The following FOXN3 variants were observed in gnomAD, a reference collection of about 807,000 sequenced individuals.
The protein encoded by FOXN3 is forkhead box protein N3.
Under a neutral mutation model 38.4 loss-of-function variants are expected in FOXN3, and 7 were observed. The observed-to-expected ratio is 0.18, with a 90% confidence interval of 0.10 to 0.34. The LOEUF is 0.34. Among genes scored for constraint, FOXN3 ranks in the 10% least tolerant of loss-of-function variants. The pLI is 1.00. For missense variants in FOXN3, 456 were observed against 613.4 expected (o/e 0.74, Z 2.71); for synonymous variants, 230 against 242.2 (o/e 0.95, Z 0.47).
intron 3 of FOXN3, among the ~76,000 whole-genome samples, chr14:89,339,524 T>C (rs892031955): frequency 1.3e-5 from 2 of 152,184 alleles, no homozygotes; most frequent in Non-Finnish European, 2.9e-5. Flanking sequence ...TTCTCTCGGA[T>C]CCTGCTCCTT....
chr14:89,585,240 A>G (rs1169101421), intron 1 of FOXN3, among the ~76,000 whole-genome samples: 1 of 152,100 alleles, frequency 6.6e-6, no homozygotes, highest in East Asian at 1.9e-4. Flanking sequence ...TTCGAATTCT[A>G]TTGATCCTTC....
chr14:89,240,740 C>T (rs183366063), intron 4 of FOXN3, among the ~76,000 whole-genome samples: 5 of 152,318 alleles, frequency 3.3e-5, no homozygotes, highest in Admixed American at 3.3e-4. Context: ...CAAGAGAATG[C>T]CGTACTTTTC....
intron 1 of FOXN3, among the ~76,000 whole-genome samples, chr14:89,552,687 C>T (rs1178414393): frequency 5.9e-5 from 9 of 152,168 alleles, no homozygotes; most frequent in Non-Finnish European, 1.3e-4. Flanking sequence ...GCCAAAACCC[C>T]GTCTCTACTA....
At chr14:89,186,771 C>T (rs574079148) in intron 4 of FOXN3, among the ~76,000 whole-genome samples, 2 of 152,264 alleles carry the variant, frequency 1.3e-5, no homozygotes, top group African/African-American at 4.8e-5. Flanking sequence ...AATGTTGTAG[C>T]CTGAGGTTTT....
intron 5 of FOXN3, among the ~76,000 whole-genome samples, chr14:89,168,773 A>T (rs1007230625): frequency 6.6e-6 from 1 of 152,208 alleles, no homozygotes; most frequent in African/African-American, 2.4e-5. Context: ...AACACGTCCC[A>T]TGCGGGATAA....
chr14:89,332,141 G>A (rs973234651), intron 3 of FOXN3, among the ~76,000 whole-genome samples: 1 of 152,102 alleles, frequency 6.6e-6, no homozygotes, highest in Non-Finnish European at 1.5e-5. Flanking sequence ...GGTGATTTTA[G>A]GTTCTTTTCT....
intron 1 of FOXN3, among the ~76,000 whole-genome samples, chr14:89,608,645 G>A (rs1172827414): frequency 6.6e-6 from 1 of 152,148 alleles, no homozygotes; most frequent in Non-Finnish European, 1.5e-5. Context: ...AACAGCAGAG[G>A]CCACCGAGCC....
intron 3 of FOXN3, among the ~76,000 whole-genome samples, chr14:89,295,426 T>A (rs1230923634): frequency 1.3e-5 from 2 of 152,142 alleles, no homozygotes; most frequent in Non-Finnish European, 2.9e-5. Flanking sequence ...TTGGCAGACG[T>A]CACGTGAGCA....
intron 4 of FOXN3, among the ~76,000 whole-genome samples, chr14:89,206,466 A>G (rs1888388160): frequency 1.3e-5 from 2 of 152,230 alleles, no homozygotes; most frequent in Admixed American, 1.3e-4. Flanking sequence ...AATATGATGA[A>G]CAGACCCAGG....
At chr14:89,421,528 A>AG (rs56659540), upstream of FOXN3, among the ~76,000 whole-genome samples, 2 of 144,784 alleles carry the variant, frequency 1.4e-5, no homozygotes, top group Non-Finnish European at 1.5e-5. Flanking sequence ...ACCCAGGGAA[A>AG]TTTTTTTTTT....
intron 4 of FOXN3, among the ~76,000 whole-genome samples, chr14:89,262,116 AAGG>A (rs892480686): frequency 2.7e-4 from 41 of 152,010 alleles, no homozygotes; most frequent in African/African-American, 9.2e-4. Context: ...AGAAAAAAAA[AAGG>A]AGAAGAAGAA....
At chr14:89,319,426 C>T (rs758514454) in intron 3 of FOXN3, among the ~76,000 whole-genome samples, 1 of 152,178 alleles carries the variant, frequency 6.6e-6, no homozygotes, top group Non-Finnish European at 1.5e-5. Context: ...CCTGCCAGCA[C>T]ACATGAAGTG....
intron 3 of FOXN3, among the ~76,000 whole-genome samples, chr14:89,336,507 C>A (rs944864651): frequency 6.6e-6 from 1 of 152,184 alleles, no homozygotes. Flanking sequence ...GGCAAATTAC[C>A]TTGAGAAGAA....
chr14:89,174,942 CA>C lies in FOXN3; in HGVS notation c.851+5758del, dbSNP rs1240557781. Among the ~76,000 whole-genome samples the C allele has an allele frequency of 2.6e-5, 4 of 152,246 alleles. No homozygotes were observed. In the East Asian group the frequency reaches 7.7e-4, roughly 29 times the overall value. On this transcript the variant is annotated intron_variant, in intron 5 of 5. Transcript: ENST00000557258. Reference sequence around the variant, plus strand: ...TGGTCTTTACATACAGAACAAAATACAACACTAGAAAAGATCAGCAGCCAAT... The same window carrying C: ...TGGTCTTTACATACAGAACAAAATACACACTAGAAAAGATCAGCAGCCAAT...
At chr14:89,295,487 G>A (rs997251961) in intron 3 of FOXN3, among the ~76,000 whole-genome samples, 3 of 152,168 alleles carry the variant, frequency 2.0e-5, no homozygotes, top group Admixed American at 1.3e-4. Context: ...CACAGCACAC[G>A]GAAGATGGTT....
intron 1 of FOXN3, among the ~76,000 whole-genome samples, chr14:89,588,999 T>A (rs1034186825): frequency 6.6e-6 from 1 of 152,200 alleles, no homozygotes; most frequent in Non-Finnish European, 1.5e-5. Flanking sequence ...AACTTCTTAG[T>A]GTGCCCTCAA....
intron 3 of FOXN3, among the ~76,000 whole-genome samples, chr14:89,318,145 TTTC>T (rs201550660): frequency 7.3e-6 from 1 of 137,794 alleles, no homozygotes; most frequent in South Asian, 2.3e-4. Flanking sequence ...TTTTCTTTTC[TTTC>T]TTCTTCTTCT....
chr14:89,194,768 A>G (rs180754060), intron 4 of FOXN3, among the ~76,000 whole-genome samples: 307 of 151,906 alleles, frequency 2.0e-3, no homozygotes, highest in Non-Finnish European at 3.5e-3. Flanking sequence ...TGCCTTCCCT[A>G]TAAGCTTACT....
intron 5 of FOXN3, among the ~76,000 whole-genome samples, chr14:89,170,181 T>C (rs1474472488): frequency 6.6e-6 from 1 of 152,198 alleles, no homozygotes; most frequent in Non-Finnish European, 1.5e-5. Context: ...TTCTAAACAT[T>C]CACAGTTTCA....
Sources: gnomAD v4.1 joint callset for allele counts (sites outside exome capture counted in the v4.1 genomes callset) on GRCh38, gnomAD v4.1.1 for gene constraint, MANE v1.5 for transcripts, NCBI Gene and HGNC (gene_info 2026-07-23, HGNC 2026-07-21) for gene names.